The following LEKR1 variants were observed in gnomAD, a reference collection of about 807,000 sequenced individuals.
The protein encoded by LEKR1 is protein LEKR1.
Under a neutral mutation model 72.4 loss-of-function variants are expected in LEKR1, and 59 were observed. That is an observed-to-expected ratio of 0.82 (90% CI 0.66 to 1.01). LEKR1 has a LOEUF of 1.01. LEKR1 is among the 50% of genes least tolerant of loss of function. LEKR1 has a pLI of 0.00. For synonymous variants in LEKR1, 257 were observed against 263.2 expected (o/e 0.98, Z 0.23); for missense variants, 728 against 759.2 (o/e 0.96, Z 0.48).
At chr3:156,884,627 A>T (rs1297882369) in intron 3 of LEKR1, among the ~76,000 whole-genome samples, 2 of 152,188 alleles carry the variant, frequency 1.3e-5, no homozygotes, top group African/African-American at 4.8e-5. Flanking sequence ...CTGGCTTGTA[A>T]GGTTTCTGCT....
intron 5 of LEKR1, among the ~76,000 whole-genome samples, chr3:156,934,666 A>G (rs1162820771): frequency 6.6e-6 from 1 of 152,126 alleles, no homozygotes; most frequent in East Asian, 1.9e-4. Context: ...ACATAAAACA[A>G]CCTCAATATA....
At chr3:157,015,447 T>G (rs1300603026) in intron 10 of LEKR1, among the ~76,000 whole-genome samples, 2 of 152,180 alleles carry the variant, frequency 1.3e-5, no homozygotes, top group African/African-American at 4.8e-5. Flanking sequence ...TATAAGGCCC[T>G]AGGTAGAGTG....
intron 7 of LEKR1, chr3:156,988,311 C>G (rs1730873239): frequency 4.7e-6 from 1 of 211,834 alleles, no homozygotes; most frequent in African/African-American, 2.3e-5. Context: ...CCAAAGACAG[C>G]ACCATGGACT....
intron 6 of LEKR1, among the ~76,000 whole-genome samples, chr3:156,971,583 T>C (rs1470824498): frequency 2.6e-5 from 4 of 152,174 alleles, no homozygotes; most frequent in African/African-American, 7.2e-5. Context: ...ATTTTTGCAA[T>C]CTACTCATCT....
intron 3 of LEKR1, among the ~76,000 whole-genome samples, chr3:156,866,670 T>TATG (rs1717344073): frequency 6.6e-6 from 1 of 151,984 alleles, no homozygotes; most frequent in African/African-American, 2.4e-5. Flanking sequence ...TACCTATTGA[T>TATG]ATGATGTTTT....
At chr3:156,863,779 A>G (rs1226506862) in intron 3 of LEKR1, among the ~76,000 whole-genome samples, 1 of 152,048 alleles carries the variant, frequency 6.6e-6, no homozygotes, top group Non-Finnish European at 1.5e-5. Flanking sequence ...AAACAAATAC[A>G]GCTATGGTAA....
chr3:156,867,639 T>C (rs1717466095), intron 3 of LEKR1, among the ~76,000 whole-genome samples: 1 of 152,084 alleles, frequency 6.6e-6, no homozygotes, highest in Non-Finnish European at 1.5e-5. Flanking sequence ...CTTTTTGATA[T>C]TGGATAGCAC....
chr3:156,865,495 C>A (rs993488644), intron 3 of LEKR1, among the ~76,000 whole-genome samples: 6 of 151,950 alleles, frequency 3.9e-5, no homozygotes, highest in African/African-American at 9.7e-5. Flanking sequence ...TCCCATATCA[C>A]CTTCCTCTTA....
intron 3 of LEKR1, among the ~76,000 whole-genome samples, chr3:156,877,809 G>A (rs979581404): frequency 2.0e-5 from 3 of 151,702 alleles, no homozygotes; most frequent in Non-Finnish European, 4.4e-5. Context: ...TTGAGACAAC[G>A]TCTCGCTCTG....
intron 3 of LEKR1, among the ~76,000 whole-genome samples, chr3:156,904,631 T>C (rs997304669): frequency 2.0e-5 from 3 of 150,502 alleles, no homozygotes; most frequent in Admixed American, 6.6e-5. Flanking sequence ...GCTAGATATA[T>C]ATATGACAGG....
At chr3:156,968,605 C>T (rs1055206172) in intron 6 of LEKR1, among the ~76,000 whole-genome samples, 1 of 152,166 alleles carries the variant, frequency 6.6e-6, no homozygotes, top group Non-Finnish European at 1.5e-5. Context: ...AATACAGGAG[C>T]ACCAAGATTC....
intron 9 of LEKR1, among the ~76,000 whole-genome samples, chr3:157,007,735 C>A (rs1377890141): frequency 1.3e-5 from 2 of 152,214 alleles, no homozygotes; most frequent in African/African-American, 2.4e-5. Context: ...GCTCCCTGGG[C>A]TCTCTTGTAT....
intron 6 of LEKR1, among the ~76,000 whole-genome samples, chr3:156,963,708 C>A (rs536052985): frequency 1.3e-5 from 2 of 152,260 alleles, no homozygotes; most frequent in Non-Finnish European, 2.9e-5. Context: ...CTTACTATCA[C>A]CCTCCTGGGT....
chr3:156,910,637 A>G (rs1049768479), intron 3 of LEKR1, among the ~76,000 whole-genome samples: 8 of 152,202 alleles, frequency 5.3e-5, no homozygotes, highest in African/African-American at 1.9e-4. Context: ...AATGGACTCC[A>G]GCTGCATCCA....
chr3:156,928,890 A>G (rs1055996147), intron 5 of LEKR1, among the ~76,000 whole-genome samples: 1 of 152,074 alleles, frequency 6.6e-6, no homozygotes, highest in African/African-American at 2.4e-5. Context: ...TTGGAATAAC[A>G]TAATAAGAAT....
chr3:156,842,971 T>G (rs1383821911), intron 2 of LEKR1, among the ~76,000 whole-genome samples: 1 of 152,228 alleles, frequency 6.6e-6, no homozygotes, highest in African/African-American at 2.4e-5. Flanking sequence ...ACTGCTGCAC[T>G]CTACAGGTTA....
intron 3 of LEKR1, among the ~76,000 whole-genome samples, chr3:156,892,033 C>T (rs143122169): frequency 9.2e-5 from 14 of 151,808 alleles, no homozygotes; most frequent in Admixed American, 2.6e-4. Flanking sequence ...GGTAGCCCCC[C>T]GCCCCGCTAC....
intron 7 of LEKR1, among the ~76,000 whole-genome samples, chr3:156,980,734 C>T (rs1021196161): frequency 5.9e-5 from 9 of 152,114 alleles, no homozygotes; most frequent in Non-Finnish European, 8.8e-5. Flanking sequence ...GGTGTTAGCA[C>T]ACAACTAAGC....
intron 3 of LEKR1, among the ~76,000 whole-genome samples, chr3:156,858,041 T>G (rs1397651160): frequency 6.6e-6 from 1 of 152,214 alleles, no homozygotes; most frequent in Non-Finnish European, 1.5e-5. Context: ...TCCTCTGTAA[T>G]TATTGGTTTA....
Sources: allele counts gnomAD v4.1 joint callset (sites outside exome capture counted in the v4.1 genomes callset), GRCh38; gene constraint gnomAD v4.1.1; transcripts MANE v1.5; gene names NCBI Gene and HGNC (gene_info 2026-07-23, HGNC 2026-07-21).